The following LPAR1 variants were observed in gnomAD, a reference collection of about 807,000 sequenced individuals.
The protein encoded by LPAR1 is LPA receptor 1.
Under a neutral mutation model 23.8 loss-of-function variants are expected in LPAR1, and 5 were observed. The observed-to-expected ratio is 0.21, with a 90% CI of 0.11 to 0.44. LPAR1 has a LOEUF of 0.44. Among genes scored for constraint, LPAR1 ranks in the 20% least tolerant of loss-of-function variants. The probability of loss-of-function intolerance (pLI) is 0.99; values close to 1 mark genes in which losing one functional copy is unlikely to be tolerated. For synonymous variants in LPAR1, 160 were observed against 164.7 expected (o/e 0.97, Z 0.22); for missense variants, 311 against 482.8 (o/e 0.64, Z 3.33).
chr9:110,933,277 T>C (rs56697877), intron 5 of LPAR1, among the ~76,000 whole-genome samples: 3,387 of 152,234 alleles, frequency 0.022, 144 homozygotes, highest in African/African-American at 0.075. Context: ...AAATTATACG[T>C]GGACTTGGTG....
At chr9:110,974,901 A>G (rs2096522234) in intron 2 of LPAR1, among the ~76,000 whole-genome samples, 1 of 152,166 alleles carries the variant, frequency 6.6e-6, no homozygotes, top group Admixed American at 6.5e-5. Flanking sequence ...TATTCCTGGC[A>G]CTATTTTTTG....
chr9:110,983,812 T>A (rs1588682083), intron 2 of LPAR1, among the ~76,000 whole-genome samples: 1 of 151,320 alleles, frequency 6.6e-6, no homozygotes, highest in Admixed American at 6.6e-5. Flanking sequence ...GGGAAAAAAA[T>A]GGGCTGGACA....
intron 2 of LPAR1, among the ~76,000 whole-genome samples, chr9:111,034,030 C>G (rs2097849225): frequency 6.6e-6 from 1 of 152,164 alleles, no homozygotes; most frequent in African/African-American, 2.4e-5. Flanking sequence ...ATACCTCTCC[C>G]AAATGGATCC....
intron 2 of LPAR1, among the ~76,000 whole-genome samples, chr9:110,997,812 C>A (rs534720750): frequency 9.9e-5 from 15 of 152,174 alleles, no homozygotes; most frequent in Non-Finnish European, 1.9e-4. Flanking sequence ...AGCTTTACTG[C>A]AGAATATAGT....
intron 2 of LPAR1, among the ~76,000 whole-genome samples, chr9:110,992,806 T>C (rs985821843): frequency 6.6e-6 from 1 of 152,072 alleles, no homozygotes; most frequent in East Asian, 1.9e-4. Flanking sequence ...CCAAAAGCAA[T>C]TAAGTGGTTG....
chr9:110,903,882 CAA>C (rs61456167), intron 5 of LPAR1, among the ~76,000 whole-genome samples: 269 of 77,226 alleles, frequency 3.5e-3, no homozygotes, highest in African/African-American at 0.016. Flanking sequence ...AAGTGAATTG[CAA>C]AAAAAAAAAA....
At chr9:110,961,464 A>C (rs2095978512) in intron 4 of LPAR1, among the ~76,000 whole-genome samples, 1 of 151,844 alleles carries the variant, frequency 6.6e-6, no homozygotes, top group African/African-American at 2.4e-5. Context: ...TACTAAAAAT[A>C]TAAAAATTAG....
intron 4 of LPAR1, among the ~76,000 whole-genome samples, chr9:110,945,018 G>T (rs1479709022): frequency 6.6e-6 from 1 of 152,122 alleles, no homozygotes; most frequent in Non-Finnish European, 1.5e-5. Context: ...AATTGGGAGG[G>T]TATAATATGC....
At chr9:111,014,829 A>T (rs1463560603) in intron 2 of LPAR1, among the ~76,000 whole-genome samples, 1 of 152,102 alleles carries the variant, frequency 6.6e-6, no homozygotes, top group Non-Finnish European at 1.5e-5. Flanking sequence ...TGCAAATTCA[A>T]CATGTACCAA....
rs202045656 is a variant in LPAR1, at chr9:111,000,665, TG to T, written c.-181-27108del. On this transcript the variant is annotated intron_variant, in intron 2 of 5. Transcript: ENST00000683809. ...ACCTGTGCAGCTAGTAAATGGGGCA[TG>T]GTTAGAACTCCAAAGTCTAGGCCCA... Among the ~76,000 whole-genome samples, 1,024 of 152,302 alleles carry T rather than the reference TG, an allele frequency of 6.7e-3. 13 individuals carry two copies. Among genetic ancestry groups the T allele is most frequent in the African/African-American group, 0.023 (958 of 41,566 alleles).
chr9:110,891,908 T>G (rs184663748), intron 5 of LPAR1, among the ~76,000 whole-genome samples: 1 of 152,198 alleles, frequency 6.6e-6, no homozygotes, highest in Admixed American at 6.5e-5. Context: ...GACTTGGATA[T>G]AGTGGAACTG....
At chr9:110,990,888 A>G (rs1166810552) in intron 2 of LPAR1, among the ~76,000 whole-genome samples, 1 of 152,166 alleles carries the variant, frequency 6.6e-6, no homozygotes, top group Non-Finnish European at 1.5e-5. Flanking sequence ...AAGAGGGGTC[A>G]TTACTATTGT....
chr9:111,008,565 T>C (rs1195000891), intron 2 of LPAR1, among the ~76,000 whole-genome samples: 1 of 152,130 alleles, frequency 6.6e-6, no homozygotes. Flanking sequence ...CAAAGACCTC[T>C]GCAAAAAGCT....
At chr9:110,979,223 C>G (rs1334438738) in intron 2 of LPAR1, among the ~76,000 whole-genome samples, 1 of 150,408 alleles carries the variant, frequency 6.6e-6, no homozygotes, top group African/African-American at 2.5e-5. Context: ...TTTTATATGT[C>G]AATTTTTAAG....
At chr9:110,898,512 C>T (rs756779360) in intron 5 of LPAR1, among the ~76,000 whole-genome samples, 63 of 152,118 alleles carry the variant, frequency 4.1e-4, no homozygotes, top group Non-Finnish European at 7.8e-4. Flanking sequence ...TATAAGAACG[C>T]TATATTTAGA....
chr9:111,013,086 A>C (rs776455242), intron 2 of LPAR1, among the ~76,000 whole-genome samples: 1 of 152,212 alleles, frequency 6.6e-6, no homozygotes, highest in Non-Finnish European at 1.5e-5. Flanking sequence ...CAAAAAATAC[A>C]TTCAAGGATT....
At chr9:110,961,118 G>A (rs1290706538) in intron 4 of LPAR1, among the ~76,000 whole-genome samples, 1 of 150,556 alleles carries the variant, frequency 6.6e-6, no homozygotes, top group East Asian at 1.9e-4. Flanking sequence ...TTTTTACTGT[G>A]ATGAGCTAAG....
intron 5 of LPAR1, among the ~76,000 whole-genome samples, chr9:110,894,478 C>G (rs1297501681): frequency 1.3e-5 from 2 of 152,196 alleles, no homozygotes; most frequent in African/African-American, 4.8e-5. Flanking sequence ...TCATTTCTTT[C>G]CTTTCCTTCT....
chr9:110,998,777 G>A (rs1250710014), intron 2 of LPAR1, among the ~76,000 whole-genome samples: 1 of 152,150 alleles, frequency 6.6e-6, no homozygotes, highest in Non-Finnish European at 1.5e-5. Flanking sequence ...TGGACAATAG[G>A]TCTGAGGATT....
Sources: gnomAD v4.1 joint callset for allele counts (sites outside exome capture counted in the v4.1 genomes callset) on GRCh38, gnomAD v4.1.1 for gene constraint, MANE v1.5 for transcripts, NCBI Gene and HGNC (gene_info 2026-07-23, HGNC 2026-07-21) for gene names.